Variants in ADH1C observed in about 807,000 individuals in gnomAD.
The protein encoded by ADH1C is alcohol dehydrogenase 1C (class I), gamma polypeptide.
ADH1C carries 26 observed loss-of-function variants against 35.0 expected under a neutral mutation model. The ratio of observed to expected loss-of-function variants is 0.74; its 90% confidence interval spans 0.54 to 1.03. The LOEUF (loss-of-function observed/expected upper bound fraction) is 1.03, where lower values mean the gene tolerates loss of function less well. Among genes scored for constraint, ADH1C ranks in the 50% least tolerant of loss-of-function variants. The pLI, the probability that ADH1C is intolerant of heterozygous loss-of-function variation, is 0.00. For missense variants in ADH1C, 413 were observed against 465.4 expected (o/e 0.89, Z 1.04); for synonymous variants, 170 against 169.3 (o/e 1.00, Z -0.03).
chr4:99,344,969 C>G lies in ADH1C; in HGVS notation c.460G>C (p.Asp154His), dbSNP rs1256353712. The G allele has an allele frequency of 1.2e-6, 2 of 1,614,174 alleles. No homozygotes were observed. The highest frequency in any genetic ancestry group is 1.7e-6 in the Non-Finnish European group (2 of 1,180,022). The change falls in exon 5 of 9, where the codon GAT becomes CAT. Residue 154 changes from aspartate to histidine, a missense_variant. Coordinates refer to ENST00000515683, the MANE Select transcript of ADH1C (RefSeq NM_000669.5). ...TCAATTTTGGCCACTGCATTCTCAT[C>G]CACCACTGTGTACTGGGAGAAGGTG... is the stretch of plus-strand genomic sequence containing the variant. ...VSTFSQYTVVDENAVAKIDAA... is the reference protein window; with the variant it reads ...VSTFSQYTVVHENAVAKIDAA...
chr4:99,347,689 A>G (rs912483904), intron 2 of ADH1C, 56 bp downstream of exon 2: 1 of 1,486,362 alleles, frequency 6.7e-7, no homozygotes, highest in Non-Finnish European at 9.1e-7. Flanking sequence ...TCTATTTTTA[A>G]TATTTTCTGA....
chr4:99,352,421 G>A (rs758129962), intron 1 of ADH1C, among the ~76,000 whole-genome samples: 6 of 152,064 alleles, frequency 3.9e-5, no homozygotes, highest in Admixed American at 6.6e-5. Flanking sequence ...TATTCTTTTT[G>A]AAGGTATTTA....
At chr4:99,345,405 T>C (rs1734509791) in intron 3 of ADH1C, 139 bp from the exon 4 acceptor site, 7 of 923,966 alleles carry the variant, frequency 7.6e-6, no homozygotes, top group African/African-American at 1.7e-5. Flanking sequence ...AACTATGTCA[T>C]TTGTCATTGC....
chr4:99,351,732 C>T (rs1734683759), intron 1 of ADH1C, among the ~76,000 whole-genome samples: 1 of 152,138 alleles, frequency 6.6e-6, no homozygotes, highest in Admixed American at 6.5e-5. Context: ...AACCTTTAAA[C>T]TGAATTATCA....
intron 8 of ADH1C, among the ~76,000 whole-genome samples, chr4:99,339,155 A>AAAT (rs1283139847): frequency 1.3e-5 from 2 of 152,138 alleles, no homozygotes; most frequent in African/African-American, 4.8e-5. Context: ...GAATATGCTG[A>AAAT]GGATGTCCTG....
chr4:99,348,723 A>C (rs1734602544), intron 1 of ADH1C, among the ~76,000 whole-genome samples: 3 of 151,296 alleles, frequency 2.0e-5, no homozygotes, highest in Admixed American at 2.0e-4. Context: ...CAATGGTTGA[A>C]CTAGTTTACA....
intron 6 of ADH1C, 42 bp from the exon 7 acceptor site, chr4:99,340,752 C>T (rs1189379566): frequency 1.2e-6 from 2 of 1,610,906 alleles, no homozygotes; most frequent in East Asian, 4.5e-5. Flanking sequence ...CGTGGAGTGG[C>T]ATAGTTCATA....
In ADH1C at chr4:99,342,833, C is replaced by T; in HGVS notation, c.790G>A (p.Asp264Asn). 2 of 1,614,008 alleles carry T rather than the reference C, an allele frequency of 1.2e-6. No homozygotes were observed. Among genetic ancestry groups the T allele is most frequent in the Non-Finnish European group, 1.7e-6 (2 of 1,179,884 alleles). Reference protein sequence around the residue: ...VLKEMTDGGVDFSFEVIGRLD... With the variant: ...VLKEMTDGGVNFSFEVIGRLD... ...CGACCGATGACTTCAAACGAAAAAT[C>T]CACACCTCCATCAGTCATTTCCTTT... The change falls in exon 6 of 9, where the codon GAT (aspartate) becomes AAT (asparagine). Residue 264 changes from aspartate to asparagine, a missense_variant. Asp to Asn is a conservative substitution (Grantham distance 23). Coordinates refer to ENST00000515683, the MANE Select transcript of ADH1C (RefSeq NM_000669.5).
At chr4:99,342,564 C>A (rs914888874) in intron 6 of ADH1C, among the ~76,000 whole-genome samples, 1 of 151,952 alleles carries the variant, frequency 6.6e-6, no homozygotes, top group African/African-American at 2.4e-5. Flanking sequence ...TTAAAAAAAA[C>A]AAGCCCTTTT....
At chr4:99,337,814 A>G (rs1033024202) in intron 8 of ADH1C, among the ~76,000 whole-genome samples, 3 of 152,086 alleles carry the variant, frequency 2.0e-5, no homozygotes, top group African/African-American at 7.2e-5. Flanking sequence ...TACAATTTAT[A>G]TGATTTATTT....
chr4:99,350,322 TG>T (rs1734645355), intron 1 of ADH1C, among the ~76,000 whole-genome samples: 1 of 152,222 alleles, frequency 6.6e-6, no homozygotes, highest in Non-Finnish European at 1.5e-5. Context: ...TTTGATTACA[TG>T]GATAAGTTCT....
Position 99,343,037 on chromosome 4 carries a change from A to G in ADH1C, c.586T>C (p.Cys196Arg). ...KVAKVTPGST[C>R]AVFGLGGVGL... Reference sequence around the variant, plus strand: ...ACCCCTCCCAGGCCAAACACAGCACAGGTAGACCCTGGGGTGACCTATGTT... The same window carrying G: ...ACCCCTCCCAGGCCAAACACAGCACGGGTAGACCCTGGGGTGACCTATGTT... Residue 196 changes from cysteine (C) to arginine (R), a missense_variant, in exon 6 of 9, where the codon TGT (cysteine) becomes CGT (arginine). Physicochemically the swap from Cys to Arg is radical, Grantham distance 180. Transcript: ENST00000515683. The G allele has an allele frequency of 6.2e-7, 1 of 1,614,196 alleles. No homozygotes were observed. The highest frequency in any genetic ancestry group is 8.5e-7 in the Non-Finnish European group (1 of 1,180,022).
In ADH1C at chr4:99,342,788, A is replaced by T. The variant is rs6413446; in HGVS notation, c.828+7T>A. The T allele has an allele frequency of 2.8e-3, 4,545 of 1,610,326 alleles. 16 individuals carry two copies. Among genetic ancestry groups the T allele is most frequent in the Non-Finnish European group, 3.4e-3 (3,965 of 1,176,402 alleles). On this transcript the variant is annotated splice_region_variant and intron_variant, in intron 6 of 8. Coordinates refer to ENST00000515683, the MANE Select transcript of ADH1C (RefSeq NM_000669.5). ...GCAGAAATTTCAGGGCATGTCACGG[A>T]TCATACCATGGTGTCAAGCCGACCG...
intron 1 of ADH1C, 106 bp downstream of exon 1, chr4:99,352,552 T>C: frequency 1.1e-6 from 1 of 874,494 alleles, no homozygotes. Context: ...ATCATCTAAT[T>C]TAGATATGAA....
At chr4:99,337,472 T>C (rs1414751203) in intron 8 of ADH1C, among the ~76,000 whole-genome samples, 2 of 152,178 alleles carry the variant, frequency 1.3e-5, no homozygotes, top group Non-Finnish European at 2.9e-5. Context: ...AGCTACTTCA[T>C]TCTTGTGAAG....
At chr4:99,340,174 G>T (rs1734378806) in intron 7 of ADH1C, among the ~76,000 whole-genome samples, 1 of 152,128 alleles carries the variant, frequency 6.6e-6, no homozygotes, top group South Asian at 2.1e-4. Flanking sequence ...GCACGAGCAC[G>T]TTGGGAGGCC....
rs553105935 is a variant in ADH1C, at chr4:99,344,895, C to A, written c.534G>T (p.Ser178=). Residue 178 remains serine, a synonymous_variant, in exon 5 of 9, where the codon TCG becomes TCT. Coordinates refer to ENST00000515683, the MANE Select transcript of ADH1C (RefSeq NM_000669.5). ...CTTTGACTGCAGACCCATAACCAGT[C>A]GAAAATCCACAGCCAATGAGGCAGA... ...EKVCLIGCGF[S]TGYGSAVKVA... 5 of 1,614,028 alleles carry A rather than the reference C, an allele frequency of 3.1e-6. No homozygotes were observed. The highest frequency in any genetic ancestry group is 4.2e-6 in the Non-Finnish European group (5 of 1,180,042).
intron 8 of ADH1C, 125 bp from the exon 9 acceptor site, chr4:99,336,901 C>T: frequency 7.6e-7 from 1 of 1,308,938 alleles, no homozygotes; most frequent in Non-Finnish European, 1.1e-6. Flanking sequence ...CACTCCCTTC[C>T]CATCCCTATG....
intron 1 of ADH1C, among the ~76,000 whole-genome samples, chr4:99,350,170 C>T (rs1316987836): frequency 6.6e-6 from 1 of 152,134 alleles, no homozygotes; most frequent in Non-Finnish European, 1.5e-5. Context: ...AAATAAAGTT[C>T]TAATAGTAGG....
Sources: allele counts gnomAD v4.1 joint callset (sites outside exome capture counted in the v4.1 genomes callset), GRCh38; gene constraint gnomAD v4.1.1; transcripts MANE v1.5; gene names NCBI Gene and HGNC (gene_info 2026-07-23, HGNC 2026-07-21).